The following FNIP1 variants were observed in gnomAD, a reference collection of about 807,000 sequenced individuals.
FNIP1 encodes the protein folliculin-interacting protein 1.
A neutral mutation model predicts 124.5 loss-of-function variants in FNIP1; 40 were observed. That is an observed-to-expected ratio of 0.32 (90% CI 0.25 to 0.42). The LOEUF (loss-of-function observed/expected upper bound fraction) is 0.42. FNIP1 is among the 10% of genes least tolerant of loss of function. The pLI is 1.00. For missense variants in FNIP1, 1,176 were observed against 1,403.7 expected (o/e 0.84, Z 2.59); for synonymous variants, 472 against 470.6 (o/e 1.00, Z -0.04).
chr5:131,712,643 G>T (rs1249594917), intron 6 of FNIP1, among the ~76,000 whole-genome samples: 1 of 152,128 alleles, frequency 6.6e-6, no homozygotes, highest in African/African-American at 2.4e-5. Flanking sequence ...AACATGAAAG[G>T]GGGTATTAGT....
intron 10 of FNIP1, among the ~76,000 whole-genome samples, chr5:131,702,806 G>C (rs1260374408): frequency 1.3e-5 from 2 of 152,054 alleles, no homozygotes. Flanking sequence ...TCTGTACTTG[G>C]CTTTCCCCAA....
At chr5:131,681,798 A>G (rs981792600) in intron 11 of FNIP1, among the ~76,000 whole-genome samples, 4 of 151,396 alleles carry the variant, frequency 2.6e-5, no homozygotes, top group Admixed American at 2.0e-4. Context: ...GAGAGAAAAC[A>G]GAATAAATTG....
At chr5:131,766,573 A>T (rs1270187787) in intron 1 of FNIP1, among the ~76,000 whole-genome samples, 2 of 152,222 alleles carry the variant, frequency 1.3e-5, no homozygotes, top group Non-Finnish European at 2.9e-5. Context: ...ATACAGATAT[A>T]TGAGAGGGGA....
rs139857435 is a variant in FNIP1 at position 131,671,912 on chromosome 5, G to T, written c.2532C>A (p.Ile844=). 5.6e-6 allele frequency: 9 copies of T among 1,614,050 alleles called. No homozygotes were observed. In the Admixed American group the frequency reaches 8.3e-5, roughly 15 times the overall value. Residue 844 remains isoleucine, a synonymous_variant, in exon 14 of 18, where the codon ATC becomes ATA. Transcript: ENST00000510461. ...GAACATCATCAATAGTCCTGGTTTC[G>T]ATTGAATCATCATTAAAATATTCGT... ...LFDEYFNDDS[I]ETRTIDDVPF...
In FNIP1 at chr5:131,672,476, T is replaced by C; in HGVS notation, c.1968A>G (p.Gln656=). The C allele has an allele frequency of 3.7e-6, 6 of 1,613,578 alleles. No individual in the cohort carries two copies. Among genetic ancestry groups the C allele is most frequent in the Non-Finnish European group, 5.1e-6 (6 of 1,180,038 alleles). ...ECQMISPSDC[Q]EENAVDVKQY... is the part of the protein sequence containing the mutation. ...GTTTAACATCAACAGCATTTTCTTC[T>C]TGGCAGTCAGAAGGAGAAATCATCT... The change falls in exon 14 of 18, where the codon CAA becomes CAG. Residue 656 remains glutamine (Q), a synonymous_variant. Coordinates refer to ENST00000510461, the MANE Select transcript of FNIP1 (RefSeq NM_133372.3).
In FNIP1 at chr5:131,719,033, T is replaced by C; in HGVS notation, c.483A>G (p.Lys161=). 1.9e-6 allele frequency: 3 copies of C among 1,613,560 alleles called. No homozygotes were observed. The highest frequency in any genetic ancestry group is 1.3e-5 in the African/African-American group (1 of 74,994). The stretch of plus-strand genomic sequence containing the variant: ...TGCTGCCAGTCCGAGCAGTAAACAC[T>C]TTGCTGAGCATGAGCTGTGGAGGGG... The part of the protein sequence containing the change: ...IRSPPQLMLS[K]VFTARTGSSI... Residue 161 remains lysine (K), a synonymous_variant, in exon 5 of 18, where the codon AAA becomes AAG. Transcript: ENST00000510461.
At chr5:131,727,264 T>G (rs1205827923) in intron 3 of FNIP1, among the ~76,000 whole-genome samples, 1 of 152,142 alleles carries the variant, frequency 6.6e-6, no homozygotes, top group Non-Finnish European at 1.5e-5. Context: ...AGTCTCCCAC[T>G]ATTATTGTGT....
intron 12 of FNIP1, among the ~76,000 whole-genome samples, chr5:131,678,639 T>C (rs1359610977): frequency 2.6e-5 from 4 of 152,096 alleles, no homozygotes; most frequent in South Asian, 2.1e-4. Context: ...CTCGATCTCC[T>C]GACCTCGTGA....
At chr5:131,738,044 A>C (rs1770374012) in intron 2 of FNIP1, among the ~76,000 whole-genome samples, 1 of 152,134 alleles carries the variant, frequency 6.6e-6, no homozygotes, top group Non-Finnish European at 1.5e-5. Flanking sequence ...GAAAGACCTG[A>C]AATCTCAGTA....
chr5:131,719,222 G>C, intron 4 of FNIP1, 95 bp downstream of exon 4: 1 of 1,220,820 alleles, frequency 8.2e-7, no homozygotes, highest in Admixed American at 2.2e-5. Context: ...AGTATGACAA[G>C]CTCAATCTGA....
At chr5:131,732,389 C>T (rs1320353292) in intron 2 of FNIP1, among the ~76,000 whole-genome samples, 6 of 152,218 alleles carry the variant, frequency 3.9e-5, no homozygotes, top group Non-Finnish European at 7.3e-5. Flanking sequence ...ATGAGTTCAA[C>T]ATGAGGTCCT....
intron 1 of FNIP1, among the ~76,000 whole-genome samples, chr5:131,790,478 CAA>C (rs56699008): frequency 9.9e-5 from 7 of 70,554 alleles, no homozygotes; most frequent in African/African-American, 1.3e-4. Flanking sequence ...GAACCTGTCT[CAA>C]AAAAAAAAAA....
At chr5:131,721,597 G>A (rs542658109) in intron 3 of FNIP1, among the ~76,000 whole-genome samples, 5 of 152,220 alleles carry the variant, frequency 3.3e-5, no homozygotes, top group African/African-American at 1.2e-4. Context: ...AGGAGTTCAA[G>A]ACCAGCCTGG....
intron 15 of FNIP1, among the ~76,000 whole-genome samples, chr5:131,656,911 T>C (rs1767208576): frequency 6.6e-6 from 1 of 151,982 alleles, no homozygotes; most frequent in South Asian, 2.1e-4. Context: ...TGCTAACCTC[T>C]GGACCTTGAA....
intron 12 of FNIP1, among the ~76,000 whole-genome samples, chr5:131,678,217 C>T (rs527895231): frequency 1.4e-4 from 22 of 152,292 alleles, no homozygotes; most frequent in Non-Finnish European, 1.8e-4. Context: ...CCAGCAGGTC[C>T]TTACATTTCC....
chr5:131,768,543 C>G lies in FNIP1; in HGVS notation c.93-23853G>C, dbSNP rs1024716237. On this transcript the variant is annotated intron_variant, in intron 1 of 17. Coordinates refer to ENST00000510461, the MANE Select transcript of FNIP1 (RefSeq NM_133372.3). ...ATAAAAAAACAGGCCAGCATGGTGG[C>G]TCATGCCTGTAATCCCAGCACTTTG... 1.2e-3 allele frequency among the ~76,000 whole-genome samples: 188 copies of G among 151,976 alleles called. 1 individual carries two copies. The highest frequency in any genetic ancestry group is 4.3e-3 in the African/African-American group (180 of 41,390).
At position 131,671,673 on chromosome 5, in the gene FNIP1, T is replaced by G. The variant is rs1767755160; in HGVS notation, c.2771A>C (p.Lys924Thr). 1 of 1,614,054 alleles carries G rather than the reference T, an allele frequency of 6.2e-7. No individual in the cohort carries two copies. Among genetic ancestry groups the G allele is most frequent in the African/African-American group, 1.3e-5 (1 of 74,938 alleles). Residue 924 changes from lysine (K) to threonine (T), a missense_variant, in exon 14 of 18, where the codon AAA (lysine) becomes ACA (threonine). Coordinates refer to ENST00000510461, the MANE Select transcript of FNIP1 (RefSeq NM_133372.3). Reference protein sequence around the residue: ...PHGDKESSDKKIAVGTEWDIP... With the variant: ...PHGDKESSDKTIAVGTEWDIP... ...GTCCCATTCAGTTCCTACAGCAATT[T>G]TTTTATCTGAACTCTCTTTATCCCC...
intron 13 of FNIP1, among the ~76,000 whole-genome samples, chr5:131,673,240 G>A (rs1051284776): frequency 2.1e-4 from 32 of 150,152 alleles, no homozygotes; most frequent in South Asian, 4.2e-4. Flanking sequence ...TTTTTTTGTA[G>A]AGACAGAGTT....
At chr5:131,673,793 T>A (rs1248991173) in intron 13 of FNIP1, among the ~76,000 whole-genome samples, 1 of 152,180 alleles carries the variant, frequency 6.6e-6, no homozygotes, top group African/African-American at 2.4e-5. Flanking sequence ...TCCAGCACTC[T>A]GAGAGGCCGA....
Sources: gnomAD v4.1 joint callset for allele counts (sites outside exome capture counted in the v4.1 genomes callset) on GRCh38, gnomAD v4.1.1 for gene constraint, MANE v1.5 for transcripts, NCBI Gene and HGNC (gene_info 2026-07-23, HGNC 2026-07-21) for gene names.